PRTN3: variants seen among roughly 807,000 people sequenced by gnomAD.
The protein encoded by PRTN3 is myeloblastin.
PRTN3 carries 22 observed loss-of-function variants against 20.7 expected under a neutral mutation model. The ratio of observed to expected loss-of-function variants is 1.06; its 90% CI spans 0.76 to 1.52. The LOEUF is 1.52. PRTN3 is among the 40% of genes most tolerant of loss of function. PRTN3 has a pLI of 0.00. For synonymous variants in PRTN3, 173 were observed against 152.9 expected (o/e 1.13, Z -0.97); for missense variants, 378 against 359.6 (o/e 1.05, Z -0.41).
rs753615982 is a variant in PRTN3, at chr19:847,964, C to T, written c.766C>T (p.Pro256Ser). ...GCGCCGTGTGGAGGCCAAGGGCCGC[C>T]CCTGAACCGCCCCTCCCACAGCGCT... ...TLRRVEAKGR[P>S] is the part of the protein sequence containing the mutation. Residue 256 changes from proline (P) to serine (S), a missense_variant, in exon 5 of 5, where the codon CCC becomes TCC. Pro to Ser is a moderately conservative substitution (Grantham distance 74). Transcript: ENST00000234347. 2 of 1,598,112 alleles carry T rather than the reference C, an allele frequency of 1.3e-6. No individual in the cohort carries two copies. The highest frequency in any genetic ancestry group is 1.7e-6 in the Non-Finnish European group (2 of 1,172,874).
chr19:845,402 C>T (rs994776599), intron 3 of PRTN3, among the ~76,000 whole-genome samples: 5 of 151,646 alleles, frequency 3.3e-5, no homozygotes, highest in Admixed American at 6.6e-5. Context: ...GAGCAAGACC[C>T]CATCTCAAAA....
intron 1 of PRTN3, 95 bp from the exon 2 acceptor site, chr19:843,366 G>A: frequency 2.2e-6 from 3 of 1,335,660 alleles, no homozygotes; most frequent in Non-Finnish European, 3.0e-6. Flanking sequence ...TGCAGATCGG[G>A]AGACGGAGGC....
At chr19:845,281 G>T (rs1260156504) in intron 3 of PRTN3, among the ~76,000 whole-genome samples, 1 of 151,850 alleles carries the variant, frequency 6.6e-6, no homozygotes, top group African/African-American at 2.4e-5. Context: ...AACCGGGCAT[G>T]GTAGCACACG....
At chr19:847,542 A>G (rs2035532862) in intron 4 of PRTN3, among the ~76,000 whole-genome samples, 1 of 134,336 alleles carries the variant, frequency 7.4e-6, no homozygotes, top group African/African-American at 3.1e-5. Flanking sequence ...AAAGAAAGAA[A>G]GAAAGAAAAA....
chr19:843,380 G>C (rs972545051), intron 1 of PRTN3, 81 bp from the exon 2 acceptor site: 10 of 1,395,462 alleles, frequency 7.2e-6, no homozygotes, highest in Non-Finnish European at 9.4e-6. Flanking sequence ...CGGAGGCTCG[G>C]AGAGGCCCAG....
In PRTN3 at chr19:843,537, G is replaced by C. The variant is rs768305786; in HGVS notation, c.138G>C (p.Gln46His). The C allele has an allele frequency of 6.3e-7, 1 of 1,597,188 alleles. No individual in the cohort carries two copies. The highest frequency in any genetic ancestry group is 1.1e-5 in the South Asian group (1 of 89,106). Reference sequence around the variant, plus strand: ...CCCGGCCCTACATGGCCTCCCTGCAGATGCGGGGGAACCCGGGCAGCCACT... The same window carrying C: ...CCCGGCCCTACATGGCCTCCCTGCACATGCGGGGGAACCCGGGCAGCCACT... ...PHSRPYMASL[Q>H]MRGNPGSHFC... is the part of the protein sequence containing the mutation. Residue 46 changes from glutamine (Q) to histidine (H), a missense_variant, in exon 2 of 5, where the codon CAG (glutamine) becomes CAC (histidine). Physicochemically the swap from Gln to His is conservative, Grantham distance 24. Coordinates refer to ENST00000234347, the MANE Select transcript of PRTN3 (RefSeq NM_002777.4).
intron 2 of PRTN3, 110 bp downstream of exon 2, chr19:843,736 G>A: frequency 1.4e-6 from 2 of 1,465,214 alleles, no homozygotes; most frequent in East Asian, 5.0e-5. Flanking sequence ...CCCGTCTGCA[G>A]ACCCCAGGCC....
intron 1 of PRTN3, among the ~76,000 whole-genome samples, chr19:841,590 G>T (rs148244842): frequency 1.8e-5 from 1 of 56,586 alleles, no homozygotes; most frequent in Non-Finnish European, 3.9e-5. Context: ...ATGAGTGAAT[G>T]AGTGAACGAA....
At chr19:846,747 T>TTTTA (rs2035522541) in intron 4 of PRTN3, among the ~76,000 whole-genome samples, 1 of 151,454 alleles carries the variant, frequency 6.6e-6, no homozygotes. Context: ...TGCTCACACT[T>TTTTA]TTTGTTTGTT....
rs1386772049 is a variant in PRTN3 at position 846,027 on chromosome 19, G to A, written c.370-120G>A. 3 of 627,048 alleles carry A rather than the reference G, an allele frequency of 4.8e-6. No homozygotes were observed. In the African/African-American group the frequency reaches 5.7e-5, roughly 12 times the overall value. The allele number at this position is 627,048 out of a possible 1,614,324, so 38.8% of individuals were successfully genotyped here. On this transcript the variant is annotated intron_variant, in intron 3 of 4. Transcript: ENST00000234347. The stretch of plus-strand genomic sequence containing the variant: ...CAAAGGGGGTCGTGGGGCCCAGGCG[G>A]AGGGAGCGGCATCCGCGGCGTTTTG...
At position 843,590 on chromosome 19, in the gene PRTN3, G is replaced by C. The variant is rs761955640; in HGVS notation, c.191G>C (p.Ser64Thr). The change falls in exon 2 of 5, where the codon AGC (serine) becomes ACC (threonine). Residue 64 changes from serine to threonine, a missense_variant. Physicochemically the swap from Ser to Thr is moderately conservative, Grantham distance 58 (BLOSUM62 1). Coordinates refer to ENST00000234347, the MANE Select transcript of PRTN3 (RefSeq NM_002777.4). ...HFCGGTLIHP[S>T]FVLTAAHCLR... ...TGCGGAGGCACCTTGATCCACCCCAGCTTCGTGCTGACGGCCGCGCACTGC... is the reference window on the plus strand; with the variant it reads ...TGCGGAGGCACCTTGATCCACCCCACCTTCGTGCTGACGGCCGCGCACTGC... 8 of 1,600,754 alleles carry C rather than the reference G, an allele frequency of 5.0e-6. No individual in the cohort carries two copies. The South Asian group carries it at 6.7e-5, about 13-fold the overall frequency.
chr19:847,670 G>T lies in PRTN3; in HGVS notation c.601-129G>T, dbSNP rs1273522477. ...CCCCCTTCCTGGCTGCCTGGGGCCA[G>T]CCCGGGTGACTGGCTGTCCCCATCC... On this transcript the variant is annotated intron_variant, in intron 4 of 4. Coordinates refer to ENST00000234347, the MANE Select transcript of PRTN3 (RefSeq NM_002777.4). 6 of 1,180,514 alleles carry T rather than the reference G, an allele frequency of 5.1e-6. No homozygotes were observed. In the East Asian group the frequency reaches 1.3e-4, roughly 26 times the overall value. The allele number at this position is 1,180,514 out of a possible 1,614,324, so 73.1% of individuals were successfully genotyped here.
intron 4 of PRTN3, among the ~76,000 whole-genome samples, chr19:847,575 GAGAGAGAA>G (rs2035535490): frequency 1.3e-5 from 2 of 152,014 alleles, no homozygotes; most frequent in East Asian, 1.9e-4. Context: ...GAGAGAGAGA[GAGAGAGAA>G]AGAAAGAAAG....
intron 2 of PRTN3, 98 bp from the exon 3 acceptor site, chr19:843,795 G>A: frequency 6.8e-7 from 1 of 1,462,312 alleles, no homozygotes; most frequent in Non-Finnish European, 9.0e-7. Context: ...GGGTCGCCGA[G>A]GGAGGGGTCT....
At chr19:843,685 C>G in intron 2 of PRTN3, 59 bp downstream of exon 2, 1 of 1,523,278 alleles carries the variant, frequency 6.6e-7, no homozygotes, top group Non-Finnish European at 8.8e-7. Context: ...CCAGCCCTGG[C>G]CCGGCCACTG....
intron 4 of PRTN3, among the ~76,000 whole-genome samples, chr19:847,555 A>AAAAGAAAGAAAGAGAG (rs1555708008): frequency 1.7e-5 from 2 of 115,826 alleles, no homozygotes; most frequent in African/African-American, 7.5e-5. Context: ...AAGAAAAAGA[A>AAAAGAAAGAAAGAGAG]AGAGAGAGAG....
At chr19:844,058 C>T (rs900558642) in intron 3 of PRTN3, 24 bp downstream of exon 3, 4 of 1,587,436 alleles carry the variant, frequency 2.5e-6, no homozygotes, top group Admixed American at 3.6e-5. Flanking sequence ...GCCGCGAGGG[C>T]TCGGAGGGGC....
intron 3 of PRTN3, among the ~76,000 whole-genome samples, chr19:845,145 G>C (rs1201880128): frequency 6.6e-6 from 1 of 151,752 alleles, no homozygotes. Context: ...ACGGTGTTTT[G>C]CCACGTTGGC....
intron 3 of PRTN3, 68 bp from the exon 4 acceptor site, chr19:846,079 G>A: frequency 4.0e-6 from 5 of 1,243,508 alleles, no homozygotes. Context: ...GGGTGTGGTG[G>A]GAGGGCGGCC....
Sources: allele counts gnomAD v4.1 joint callset (sites outside exome capture counted in the v4.1 genomes callset), GRCh38; gene constraint gnomAD v4.1.1; transcripts MANE v1.5; gene names NCBI Gene and HGNC (gene_info 2026-07-23, HGNC 2026-07-21).